The following TENM2 variants were observed in gnomAD, a reference collection of about 807,000 sequenced individuals.
TENM2 encodes teneurin-2.
In TENM2, 52 loss-of-function variants were observed where a neutral mutation model predicts 245.2. The ratio of observed to expected loss-of-function variants is 0.21; its 90% CI spans 0.17 to 0.27. TENM2 has a LOEUF of 0.27. Ranked by LOEUF, TENM2 falls within the 10% of genes least tolerant of loss-of-function variation. The pLI, the probability that TENM2 is intolerant of heterozygous loss-of-function variation, is 1.00. For missense variants in TENM2, 3,046 were observed against 3,666.8 expected (o/e 0.83, Z 4.37); for synonymous variants, 1,363 against 1,438.9 (o/e 0.95, Z 1.19).
At chr5:167,856,238 C>T (rs1771088785) in intron 2 of TENM2, among the ~76,000 whole-genome samples, 1 of 152,072 alleles carries the variant, frequency 6.6e-6, no homozygotes, top group African/African-American at 2.4e-5. Flanking sequence ...AGTCACCCCT[C>T]CTGCCCCCAC....
chr5:167,452,943 A>AT lies in TENM2; in HGVS notation c.502+77471dup, dbSNP rs1175703248. Among the ~76,000 whole-genome samples the AT allele has an allele frequency of 1.2e-3, 6 of 5,098 alleles. No individual in the cohort carries two copies. The East Asian group carries it at 0.045, about 39-fold the overall frequency. The allele number at this position is 5,098 out of a possible 152,430, so 3.3% of individuals were successfully genotyped here. ...CTTAAAGTATGATTTATATATATAT[A>AT]TATATATATATATATATATTTAAAA... On this transcript the variant is annotated intron_variant, in intron 2 of 28. Transcript: ENST00000518659.
At chr5:167,171,680 C>G in the TENM2 span, among the ~76,000 whole-genome samples, 1 of 152,248 alleles carries the variant, frequency 6.6e-6, no homozygotes, top group East Asian at 1.9e-4. Context: ...GGGAAGAGCA[C>G]AGCCACTTCC....
At chr5:167,530,471 T>G (rs1203893240) in intron 2 of TENM2, among the ~76,000 whole-genome samples, 1 of 152,172 alleles carries the variant, frequency 6.6e-6, no homozygotes, top group Non-Finnish European at 1.5e-5. Context: ...AGAAACTATG[T>G]GCTGGATGTT....
chr5:168,043,605 C>G (rs889562512), intron 5 of TENM2, among the ~76,000 whole-genome samples: 1 of 152,178 alleles, frequency 6.6e-6, no homozygotes, highest in African/African-American at 2.4e-5. Context: ...TTCCTAGTTT[C>G]CTTATAGGTG....
intron 2 of TENM2, among the ~76,000 whole-genome samples, chr5:167,658,391 A>T (rs985120365): frequency 1.3e-5 from 2 of 151,876 alleles, no homozygotes; most frequent in East Asian, 3.9e-4. Context: ...TATTTTTAGT[A>T]GAGATGGGGT....
intron 2 of TENM2, among the ~76,000 whole-genome samples, chr5:167,442,270 A>C (rs1341279494): frequency 6.6e-6 from 1 of 152,200 alleles, no homozygotes; most frequent in Non-Finnish European, 1.5e-5. Flanking sequence ...TTCTAGCATT[A>C]CATTACATAA....
chr5:167,997,498 G>T (rs1343440986), intron 5 of TENM2, among the ~76,000 whole-genome samples: 7 of 152,260 alleles, frequency 4.6e-5, no homozygotes, highest in African/African-American at 1.7e-4. Context: ...ATAGAGGTCA[G>T]CAAACATTTT....
chr5:168,072,516 G>C (rs1397201404), intron 7 of TENM2, among the ~76,000 whole-genome samples: 1 of 152,148 alleles, frequency 6.6e-6, no homozygotes, highest in Non-Finnish European at 1.5e-5. Flanking sequence ...AAAAGCATCG[G>C]CTCTGCCTTT....
chr5:167,182,037 A>G, the TENM2 span, among the ~76,000 whole-genome samples: 3 of 152,214 alleles, frequency 2.0e-5, no homozygotes, highest in Non-Finnish European at 2.9e-5. Context: ...ATTAGGAAAG[A>G]TTTCATAATA....
At chr5:167,593,846 G>A (rs1776033181) in intron 2 of TENM2, among the ~76,000 whole-genome samples, 1 of 152,090 alleles carries the variant, frequency 6.6e-6, no homozygotes, top group Non-Finnish European at 1.5e-5. Flanking sequence ...TCCTGGCATG[G>A]GTCCTCATAA....
chr5:167,376,842 G>A (rs531349950), intron 2 of TENM2, among the ~76,000 whole-genome samples: 1 of 152,088 alleles, frequency 6.6e-6, no homozygotes, highest in Non-Finnish European at 1.5e-5. Context: ...CCATTTACTG[G>A]TGTCCTTTTT....
intron 2 of TENM2, among the ~76,000 whole-genome samples, chr5:167,570,724 T>A (rs1774214120): frequency 2.0e-5 from 3 of 152,144 alleles, no homozygotes; most frequent in Admixed American, 6.6e-5. Flanking sequence ...AAGAGCTGCA[T>A]TGAAGAATTA....
At chr5:168,146,555 T>C (rs1756100948) in intron 12 of TENM2, among the ~76,000 whole-genome samples, 1 of 152,148 alleles carries the variant, frequency 6.6e-6, no homozygotes, top group East Asian at 1.9e-4. Context: ...AAATAATTGA[T>C]TTGGTGCATG....
chr5:167,908,249 G>A (rs990956049), intron 3 of TENM2, among the ~76,000 whole-genome samples: 3 of 151,918 alleles, frequency 2.0e-5, no homozygotes, highest in East Asian at 1.9e-4. Context: ...ACCTCAGCAG[G>A]CTGTAAATCC....
At chr5:167,442,529 C>T (rs1764931020) in intron 2 of TENM2, among the ~76,000 whole-genome samples, 1 of 151,982 alleles carries the variant, frequency 6.6e-6, no homozygotes, top group South Asian at 2.1e-4. Context: ...CATGATCTTA[C>T]CAACACTTGA....
At chr5:167,906,715 A>G (rs1288275335) in intron 3 of TENM2, among the ~76,000 whole-genome samples, 1 of 152,146 alleles carries the variant, frequency 6.6e-6, no homozygotes, top group African/African-American at 2.4e-5. Flanking sequence ...AAAGTTGTGC[A>G]TTGGGGGGTG....
intron 5 of TENM2, among the ~76,000 whole-genome samples, chr5:168,008,842 T>G (rs1785016543): frequency 6.6e-6 from 1 of 152,236 alleles, no homozygotes; most frequent in African/African-American, 2.4e-5. Flanking sequence ...CATTTTTTAT[T>G]GGTATGTAAT....
At chr5:167,222,687 C>T in the TENM2 span, among the ~76,000 whole-genome samples, 126 of 152,262 alleles carry the variant, frequency 8.3e-4, no homozygotes, top group Non-Finnish European at 1.6e-3. Flanking sequence ...AATTTATAGT[C>T]TACCTTAAGC....
At chr5:167,592,209 C>G (rs930315687) in intron 2 of TENM2, among the ~76,000 whole-genome samples, 1 of 152,182 alleles carries the variant, frequency 6.6e-6, no homozygotes, top group African/African-American at 2.4e-5. Context: ...TCTCTGGTAA[C>G]CCTCTTATGG....
Sources: allele counts gnomAD v4.1 joint callset (sites outside exome capture counted in the v4.1 genomes callset), GRCh38; gene constraint gnomAD v4.1.1; transcripts MANE v1.5; gene names NCBI Gene and HGNC (gene_info 2026-07-23, HGNC 2026-07-21).